Variants in DHX30 observed in about 807,000 individuals in gnomAD.
DHX30 encodes ATP-dependent RNA helicase DHX30.
A neutral mutation model predicts 116.9 loss-of-function variants in DHX30; 4 were observed. That is an observed-to-expected ratio of 0.03 (90% CI 0.02 to 0.08). DHX30 has a LOEUF of 0.08. DHX30 is among the 10% of genes least tolerant of loss of function. The pLI is 1.00. For missense variants in DHX30, 871 were observed against 1,595.1 expected (o/e 0.55, Z 7.73); for synonymous variants, 697 against 651.7 (o/e 1.07, Z -1.06).
At chr3:47,828,895 T>A in intron 5 of DHX30, 129 bp from the exon 6 acceptor site, 1 of 661,768 alleles carries the variant, frequency 1.5e-6, no homozygotes, top group Non-Finnish European at 2.8e-6. Flanking sequence ...TGTTCTCAAC[T>A]CTGAACCTAG....
intron 2 of DHX30, among the ~76,000 whole-genome samples, chr3:47,807,191 A>T (rs192418115): frequency 6.6e-6 from 1 of 151,428 alleles, no homozygotes; most frequent in African/African-American, 2.4e-5. Flanking sequence ...GGGCAACAAG[A>T]GCAACACTCT....
chr3:47,839,771 G>A (rs1239492446), intron 6 of DHX30, among the ~76,000 whole-genome samples: 1 of 152,008 alleles, frequency 6.6e-6, no homozygotes, highest in African/African-American at 2.4e-5. Flanking sequence ...TGCCTCCCAG[G>A]TTCAAGCGAT....
intron 4 of DHX30, chr3:47,825,232 G>C (rs371163433): frequency 1.1e-5 from 7 of 627,534 alleles, no homozygotes; most frequent in African/African-American, 7.7e-5. Context: ...GGAAGGCGAC[G>C]GAAGCTTGGT....
At chr3:47,837,802 G>C (rs2037191892) in intron 6 of DHX30, among the ~76,000 whole-genome samples, 1 of 152,122 alleles carries the variant, frequency 6.6e-6, no homozygotes, top group Admixed American at 6.6e-5. Flanking sequence ...GAAGTTGCAC[G>C]GACAGCTCCT....
intron 1 of DHX30, 28 bp downstream of exon 1, chr3:47,803,240 T>C (rs1052968525): frequency 1.3e-5 from 5 of 392,490 alleles, no homozygotes; most frequent in African/African-American, 8.3e-5. Context: ...TTCTCCCCTT[T>C]CGTGCCCTCT....
chr3:47,845,126 C>T (rs1418704623), intron 9 of DHX30, among the ~76,000 whole-genome samples: 2 of 152,198 alleles, frequency 1.3e-5, no homozygotes, highest in East Asian at 1.9e-4. Flanking sequence ...CTCCTCAGGG[C>T]CTTCTCCAGA....
In DHX30 at chr3:47,847,699, C is replaced by T. The variant is rs1433775600; in HGVS notation, c.2111-82C>T. ...TGCGCCTGTTTCATCAAAATGGGGT[C>T]AAAATCCTTGCCCTGCCCACATTCC... On this transcript the variant is annotated intron_variant, in intron 13 of 21. Coordinates refer to ENST00000445061, the MANE Select transcript of DHX30 (RefSeq NM_138615.3). This position sits in a 1 kb window ranked among gnomAD's most constrained non-coding sequence, Gnocchi z 5.5. 12 of 1,528,662 alleles carry T rather than the reference C, an allele frequency of 7.8e-6. No individual in the cohort carries two copies. Among genetic ancestry groups the T allele is most frequent in the Non-Finnish European group, 1.1e-5 (12 of 1,131,494 alleles). 94.7% of individuals were successfully genotyped at this position (1,528,662 alleles called of 1,614,324 possible).
rs376062811 is a variant in DHX30, at chr3:47,845,690, C to T, written c.940-10C>T. 5 of 1,580,672 alleles carry T rather than the reference C, an allele frequency of 3.2e-6. No homozygotes were observed. Among genetic ancestry groups the T allele is most frequent in the Admixed American group, 1.7e-5 (1 of 58,740 alleles). ...AGAGCATAGACTGAGTCTTGCATGT[C>T]CCCCTGCAGAGCCTGGGCCTGGTGG... On this transcript the variant is annotated splice_polypyrimidine_tract_variant and intron_variant, in intron 9 of 21. Coordinates refer to ENST00000445061, the MANE Select transcript of DHX30 (RefSeq NM_138615.3).
chr3:47,830,296 A>G (rs1176959325), intron 6 of DHX30, among the ~76,000 whole-genome samples: 1 of 151,228 alleles, frequency 6.6e-6, no homozygotes, highest in Non-Finnish European at 1.5e-5. Flanking sequence ...AAAAATACAA[A>G]AATTAGGTGG....
intron 2 of DHX30, among the ~76,000 whole-genome samples, chr3:47,808,910 CAG>C (rs1168300579): frequency 1.4e-5 from 2 of 146,292 alleles, no homozygotes; most frequent in African/African-American, 2.5e-5. Context: ...TTTTTTGAGA[CAG>C]AGTCTCACTC....
chr3:47,841,561 A>G (rs755180708), intron 7 of DHX30, 56 bp from the exon 8 acceptor site: 3 of 1,611,970 alleles, frequency 1.9e-6, no homozygotes, highest in Non-Finnish European at 2.5e-6. Context: ...GCAGAGCCTC[A>G]GGGAAATTGG....
intron 1 of DHX30, among the ~76,000 whole-genome samples, chr3:47,803,635 T>G (rs1341269277): frequency 6.6e-6 from 1 of 152,188 alleles, no homozygotes; most frequent in Non-Finnish European, 1.5e-5. Flanking sequence ...TTCCCGGTGC[T>G]GCCCGGACCG....
At chr3:47,831,930 C>CTT (rs147733795) in intron 6 of DHX30, among the ~76,000 whole-genome samples, 2 of 127,480 alleles carry the variant, frequency 1.6e-5, no homozygotes, top group South Asian at 2.4e-4. Context: ...TTTCCTTTTT[C>CTT]TTTTTTTTTT....
intron 2 of DHX30, among the ~76,000 whole-genome samples, chr3:47,809,015 A>T (rs931587517): frequency 6.6e-6 from 1 of 151,832 alleles, no homozygotes; most frequent in Non-Finnish European, 1.5e-5. Context: ...CAGCCTCCCG[A>T]GTAGCTGAGA....
rs923545238 is a variant in DHX30 at position 47,846,623 on chromosome 3, C to T, written c.1551C>T (p.Phe517=). The change falls in exon 11 of 22, where the codon TTC becomes TTT. Residue 517 remains phenylalanine, a synonymous_variant. Transcript: ENST00000445061. ...CCTCCCTGCGCCGGAATGTGGGCTT[C>T]CAGGTGCGGTTGGAAAGTAAGCCCC... ...LGPSLRRNVG[F]QVRLESKPPS... 6.8e-6 allele frequency: 11 copies of T among 1,613,972 alleles called. No homozygotes were observed. Among genetic ancestry groups the T allele is most frequent in the Non-Finnish European group, 9.3e-6 (11 of 1,180,014 alleles).
At chr3:47,803,245 C>T (rs1354992621) in intron 1 of DHX30, 33 bp downstream of exon 1, 2 of 392,386 alleles carry the variant, frequency 5.1e-6, no homozygotes, top group Admixed American at 4.4e-5. Context: ...CCCTTTCGTG[C>T]CCTCTTGAGG....
chr3:47,841,168 A>G lies in DHX30; in HGVS notation c.658A>G (p.Arg220Gly). The G allele has an allele frequency of 6.2e-7, 1 of 1,613,670 alleles. No individual in the cohort carries two copies. The highest frequency in any genetic ancestry group is 8.5e-7 in the Non-Finnish European group (1 of 1,179,982). ...MTQQDSHAPL[R>G]DSRGSSFEMT... Reference sequence around the variant, plus strand: ...CCAGCAGGATTCCCACGCTCCACTCAGGGACTCAAGGTACAGATGGAGGAT... The same window carrying G: ...CCAGCAGGATTCCCACGCTCCACTCGGGGACTCAAGGTACAGATGGAGGAT... Residue 220 changes from arginine to glycine, a missense_variant, in exon 7 of 22, where the codon AGG becomes GGG. Around this residue, in one of 13 missense-constraint regions of DHX30, gnomAD observed 109 missense variants for 118.8 expected, o/e 0.92. Transcript: ENST00000445061.
intron 3 of DHX30, among the ~76,000 whole-genome samples, chr3:47,812,506 C>G (rs2035846132): frequency 7.0e-6 from 1 of 142,746 alleles, no homozygotes; most frequent in South Asian, 2.3e-4. Flanking sequence ...TGTAGTGAGT[C>G]AAGATTGTGC....
At chr3:47,836,669 C>G (rs2037132867) in intron 6 of DHX30, among the ~76,000 whole-genome samples, 1 of 152,138 alleles carries the variant, frequency 6.6e-6, no homozygotes, top group African/African-American at 2.4e-5. Flanking sequence ...CAGGTGCGCA[C>G]CACCACGCCC....
Sources: gnomAD v4.1 joint callset for allele counts (sites outside exome capture counted in the v4.1 genomes callset) on GRCh38, gnomAD v4.1.1 for gene constraint, gnomAD v4.1.1 regional missense constraint, Gnocchi (gnomAD v3.1) non-coding constraint, MANE v1.5 for transcripts, NCBI Gene and HGNC (gene_info 2026-07-23, HGNC 2026-07-21) for gene names.